The following SYNE1 variants were observed in gnomAD, a reference collection of about 807,000 sequenced individuals.
The protein encoded by SYNE1 is spectrin repeat containing nuclear envelope protein 1.
SYNE1 carries 616 observed loss-of-function variants against 1,111.0 expected under a neutral mutation model. That is an observed-to-expected ratio of 0.55 (90% CI 0.52 to 0.59). The LOEUF is 0.59. SYNE1 is among the 20% of genes least tolerant of loss of function. The probability of loss-of-function intolerance (pLI) is 0.00; values close to 1 mark genes in which losing one functional copy is unlikely to be tolerated. For missense variants in SYNE1, 10,006 were observed against 10,417.0 expected, an observed-to-expected ratio of 0.96 and a Z score of 1.72; for synonymous variants, 3,855 against 3,825.8, an observed-to-expected ratio of 1.01 and a Z score of -0.28.
intron 3 of SYNE1, among the ~76,000 whole-genome samples, chr6:152,592,555 A>G (rs1452414874): frequency 2.0e-5 from 3 of 151,714 alleles, no homozygotes; most frequent in Admixed American, 6.6e-5. Context: ...TAGACACTAT[A>G]GACTACTAGA....
In SYNE1 at chr6:152,436,005, G is replaced by A. The variant is rs1056233477; in HGVS notation, c.4246C>T (p.Leu1416Phe). 2 of 1,614,018 alleles carry A rather than the reference G, an allele frequency of 1.2e-6. No homozygotes were observed. Among genetic ancestry groups the A allele is most frequent in the African/African-American group, 2.7e-5 (2 of 74,902 alleles). ...IPLGPQNKQL[L>F]QQQAKSIKEQ... Reference sequence around the variant, plus strand: ...TTGATTGACTTGGCCTGCTGTTGAAGCAGCTGCTTATTTTGGGGCCCAAGC... The same window carrying A: ...TTGATTGACTTGGCCTGCTGTTGAAACAGCTGCTTATTTTGGGGCCCAAGC... The change falls in exon 33 of 146, where the codon CTT becomes TTT. Residue 1416 changes from leucine (L) to phenylalanine (F), a missense_variant. This residue lies in a region of SYNE1 where 1,971 missense variants were observed against 2,084.1 expected (regional missense o/e 0.95). Transcript: ENST00000367255.
At chr6:152,386,734 A>G (rs1215289833) in intron 54 of SYNE1, among the ~76,000 whole-genome samples, 1 of 152,206 alleles carries the variant, frequency 6.6e-6, no homozygotes, top group Non-Finnish European at 1.5e-5. Flanking sequence ...TATAACAAAT[A>G]TAAGTGTAGC....
chr6:152,378,392 G>A (rs920777628), intron 56 of SYNE1, among the ~76,000 whole-genome samples: 7 of 152,046 alleles, frequency 4.6e-5, no homozygotes, highest in Non-Finnish European at 7.4e-5. Flanking sequence ...ACTGTCCCCC[G>A]CTGATGTCAA....
chr6:152,439,849 A>G (rs1380017421), intron 32 of SYNE1, among the ~76,000 whole-genome samples: 1 of 152,118 alleles, frequency 6.6e-6, no homozygotes, highest in East Asian at 1.9e-4. Context: ...GCTTGGTACA[A>G]ATTGGTTGGT....
chr6:152,409,311 C>T, intron 43 of SYNE1, 85 bp from the exon 44 acceptor site: 1 of 1,371,624 alleles, frequency 7.3e-7, no homozygotes, highest in Non-Finnish European at 1.0e-6. Flanking sequence ...AAATTTAATT[C>T]ATAATTGACC....
At chr6:152,238,868 GA>G (rs2084848503) in intron 108 of SYNE1, among the ~76,000 whole-genome samples, 1 of 151,396 alleles carries the variant, frequency 6.6e-6, no homozygotes, top group African/African-American at 2.4e-5. Context: ...CCGCATTTGG[GA>G]CAGAAAAAAA....
At chr6:152,576,656 C>G (rs2099497675) in intron 3 of SYNE1, among the ~76,000 whole-genome samples, 1 of 152,150 alleles carries the variant, frequency 6.6e-6, no homozygotes, top group Non-Finnish European at 1.5e-5. Flanking sequence ...TCAGTCACAG[C>G]AGGTATAAGG....
intron 101 of SYNE1, among the ~76,000 whole-genome samples, chr6:152,257,844 T>A (rs2091195903): frequency 6.6e-6 from 1 of 151,980 alleles, no homozygotes; most frequent in Admixed American, 6.6e-5. Context: ...ATAAAATACA[T>A]CTAAATCATG....
At chr6:152,274,632 T>TAGGA (rs1156504447) in intron 98 of SYNE1, among the ~76,000 whole-genome samples, 5 of 152,212 alleles carry the variant, frequency 3.3e-5, no homozygotes, top group African/African-American at 9.6e-5. Context: ...GTTTCACTCC[T>TAGGA]GTTGCCCAGG....
rs1055258712 is a variant in SYNE1 at position 152,350,861 on chromosome 6, A to G, written c.11581-91T>C. ...TCCCATGGTATGCAAGAGATGATCT[A>G]CCTCAAAGAAAGATTGTTCATATTT... On this transcript the variant is annotated intron_variant, in intron 70 of 145. Transcript: ENST00000367255. The G allele has an allele frequency of 3.5e-6, 5 of 1,448,056 alleles. No homozygotes were observed. The African/African-American group carries it at 4.2e-5, about 12-fold the overall frequency. 89.7% of individuals were successfully genotyped at this position (1,448,056 alleles called of 1,614,324 possible). A position where few individuals can be genotyped will look rare whatever the true frequency, so the allele number is the denominator to read the frequency against.
intron 91 of SYNE1, among the ~76,000 whole-genome samples, chr6:152,307,747 T>A (rs2095422001): frequency 6.6e-6 from 1 of 152,182 alleles, no homozygotes; most frequent in Non-Finnish European, 1.5e-5. Flanking sequence ...ATTAGCAAAG[T>A]AAACAACCTG....
chr6:152,600,517 G>A (rs1279610215), intron 3 of SYNE1, among the ~76,000 whole-genome samples: 1 of 152,164 alleles, frequency 6.6e-6, no homozygotes, highest in Non-Finnish European at 1.5e-5. Context: ...TTACGGATGA[G>A]TAGAAGCTAT....
At chr6:152,564,452 G>A (rs1266843824) in intron 3 of SYNE1, among the ~76,000 whole-genome samples, 1 of 152,060 alleles carries the variant, frequency 6.6e-6, no homozygotes, top group Non-Finnish European at 1.5e-5. Context: ...AAGTAGCTGG[G>A]ACTACAGGGG....
chr6:152,325,032 A>G, intron 81 of SYNE1, 52 bp downstream of exon 81: 3 of 1,598,112 alleles, frequency 1.9e-6, no homozygotes, highest in Middle Eastern at 2.2e-4. Flanking sequence ...GTTTCAAAAT[A>G]CATTATAATT....
At chr6:152,210,226 A>T (rs2077288182) in intron 124 of SYNE1, among the ~76,000 whole-genome samples, 1 of 152,188 alleles carries the variant, frequency 6.6e-6, no homozygotes, top group South Asian at 2.1e-4. Flanking sequence ...CCTCAAGTCT[A>T]ACCTCCCATT....
At chr6:152,451,328 G>A in intron 25 of SYNE1, 123 bp from the exon 26 acceptor site, 1 of 935,266 alleles carries the variant, frequency 1.1e-6, no homozygotes, top group South Asian at 1.4e-5. Context: ...AGTGTGAATG[G>A]GTCACTACTT....
intron 101 of SYNE1, among the ~76,000 whole-genome samples, chr6:152,258,743 C>T (rs979073131): frequency 8.0e-5 from 12 of 150,172 alleles, no homozygotes; most frequent in Admixed American, 6.6e-4. Context: ...TTCTTTTTTT[C>T]TTCTTCTTTT....
intron 50 of SYNE1, among the ~76,000 whole-genome samples, chr6:152,396,031 CA>C (rs1270554622): frequency 6.6e-6 from 1 of 152,160 alleles, no homozygotes; most frequent in Admixed American, 6.5e-5. Context: ...GAATTGATTT[CA>C]TAGCTGGTAA....
At chr6:152,561,387 C>A (rs1181728087) in intron 3 of SYNE1, among the ~76,000 whole-genome samples, 1 of 151,852 alleles carries the variant, frequency 6.6e-6, no homozygotes, top group Non-Finnish European at 1.5e-5. Context: ...GATAAAAGAT[C>A]TGTATAATGA....
Sources: allele counts gnomAD v4.1 joint callset (sites outside exome capture counted in the v4.1 genomes callset), GRCh38; gene constraint gnomAD v4.1.1; regional missense constraint gnomAD v4.1.1; transcripts MANE v1.5; gene names NCBI Gene and HGNC (gene_info 2026-07-23, HGNC 2026-07-21).